Variants in ZNF529 observed in about 807,000 individuals in gnomAD.
ZNF529 encodes the protein zinc finger protein 529.
ZNF529 carries 11 observed loss-of-function variants against 10.1 expected under a neutral mutation model. That is an observed-to-expected ratio of 1.09 (90% CI 0.69 to 1.81). ZNF529 has a LOEUF of 1.81. Among genes scored for constraint, ZNF529 ranks in the 40% most tolerant of loss-of-function variants. The probability of loss-of-function intolerance (pLI) is 0.00; values close to 1 mark genes in which losing one functional copy is unlikely to be tolerated. For synonymous variants in ZNF529, 204 were observed against 215.7 expected, an observed-to-expected ratio of 0.95 and a Z score of 0.47; for missense variants, 624 against 666.8, an observed-to-expected ratio of 0.94 and a Z score of 0.71.
At chr19:36,572,481 C>T in intron 1 of ZNF529, 89 bp from the exon 2 acceptor site, 1 of 953,908 alleles carries the variant, frequency 1.0e-6, no homozygotes, top group South Asian at 1.6e-5. Flanking sequence ...GCCCATCACA[C>T]ACAACAAACA....
At chr19:36,562,880 G>A (rs1054687746) in intron 2 of ZNF529, among the ~76,000 whole-genome samples, 4 of 151,520 alleles carry the variant, frequency 2.6e-5, no homozygotes, top group Admixed American at 6.6e-5. Context: ...GGTGATGAGG[G>A]GCTCCTCCCT....
intron 2 of ZNF529, chr19:36,581,310 A>G (rs2036457852): frequency 6.6e-6 from 1 of 152,230 alleles, no homozygotes; most frequent in Admixed American, 6.5e-5. Flanking sequence ...CATTGAATAA[A>G]TAAGGGGAAA....
intron 2 of ZNF529, among the ~76,000 whole-genome samples, chr19:36,568,472 T>G (rs1343597562): frequency 7.6e-6 from 1 of 131,214 alleles, no homozygotes; most frequent in East Asian, 2.1e-4. Flanking sequence ...CTGATTTTCT[T>G]TCTTTTTTTT....
chr19:36,555,947 T>C (rs1452153241), intron 3 of ZNF529, among the ~76,000 whole-genome samples, 157 bp downstream of exon 3: 2 of 152,190 alleles, frequency 1.3e-5, no homozygotes, highest in African/African-American at 4.8e-5. Flanking sequence ...CTTTGGGGAA[T>C]AGAGGCACAC....
rs1318500310 is a variant in ZNF529 at position 36,545,720 on chromosome 19, A to C, written c.*1146T>G. 1 of 152,054 alleles carries C rather than the reference A, an allele frequency of 6.6e-6. No individual in the cohort carries two copies. Among genetic ancestry groups the C allele is most frequent in the Non-Finnish European group, 1.5e-5 (1 of 68,012 alleles). The allele number at this position is 152,054 out of a possible 1,614,324, so 9.4% of individuals were successfully genotyped here. On this transcript the variant is annotated 3_prime_UTR_variant, in exon 5 of 5. Coordinates refer to ENST00000591340, the MANE Select transcript of ZNF529 (RefSeq NM_020951.5). The stretch of plus-strand genomic sequence containing the variant: ...GGGAATAAAAAGAAAAATAATGATA[A>C]TAGATTAAAAAAACAATTGAAGCCA...
At chr19:36,583,670 G>A (rs2145250140) in intron 2 of ZNF529, among the ~76,000 whole-genome samples, 1 of 151,996 alleles carries the variant, frequency 6.6e-6, no homozygotes, top group South Asian at 2.1e-4. Flanking sequence ...AATATGAAAT[G>A]TTTTAAATGG....
intron 1 of ZNF529, among the ~76,000 whole-genome samples, chr19:36,592,044 C>G (rs753823436): frequency 6.6e-6 from 1 of 151,368 alleles, no homozygotes; most frequent in Non-Finnish European, 1.5e-5. Context: ...GAGGCCATAG[C>G]GGGTGGATCA....
At chr19:36,585,596 T>C (rs2036562813) in intron 2 of ZNF529, among the ~76,000 whole-genome samples, 1 of 152,212 alleles carries the variant, frequency 6.6e-6, no homozygotes, top group Non-Finnish European at 1.5e-5. Flanking sequence ...GTTAATAAAT[T>C]AGTGTCTTTC....
rs995704912 is a variant in ZNF529 at position 36,556,080 on chromosome 19, A to G, written c.108+24T>C. 9 of 1,547,616 alleles carry G rather than the reference A, an allele frequency of 5.8e-6. No individual in the cohort carries two copies. The African/African-American group carries it at 1.2e-4, about 21-fold the overall frequency. On this transcript the variant is annotated intron_variant, in intron 3 of 4. Transcript: ENST00000591340. ...GAATCAGAAAAAGGAAATATCACAAAGAAAAGAGAAGTAGTTAACTTACAT... is the reference window on the plus strand; with the variant it reads ...GAATCAGAAAAAGGAAATATCACAAGGAAAAGAGAAGTAGTTAACTTACAT...
intron 1 of ZNF529, chr19:36,604,795 A>T (rs1406251532): frequency 6.6e-6 from 1 of 152,438 alleles, no homozygotes; most frequent in Non-Finnish European, 1.5e-5. Flanking sequence ...GCGCCGTCAC[A>T]CAAACGGCCC....
At chr19:36,573,301 A>G, upstream of ZNF529, 1 of 353,310 alleles carries the variant, frequency 2.8e-6, no homozygotes, top group Admixed American at 3.4e-5. Flanking sequence ...ACAACACCGG[A>G]AAAGGAAGCA....
chr19:36,558,636 T>C (rs1281093844), intron 2 of ZNF529, among the ~76,000 whole-genome samples: 3 of 151,844 alleles, frequency 2.0e-5, no homozygotes, highest in Non-Finnish European at 2.9e-5. Flanking sequence ...AAAAATTAAC[T>C]CAAAATGGAT....
chr19:36,572,239 A>T (rs762814177), intron 2 of ZNF529, 94 bp downstream of exon 2: 2 of 1,329,774 alleles, frequency 1.5e-6, no homozygotes, highest in Non-Finnish European at 2.1e-6. Flanking sequence ...TTGGAAAGGC[A>T]ATGGAGGACA....
At chr19:36,572,245 G>T in intron 2 of ZNF529, 88 bp downstream of exon 2, 2 of 1,404,674 alleles carry the variant, frequency 1.4e-6, no homozygotes, top group Non-Finnish European at 2.0e-6. Flanking sequence ...AGGCAATGGA[G>T]GACAAGGGGA....
Position 36,546,914 on chromosome 19 carries a change from A to T in ZNF529, c.1644T>A (p.His548Gln), listed in dbSNP as rs527440575. 3.7e-6 allele frequency: 6 copies of T among 1,612,638 alleles called. No homozygotes were observed. The highest frequency in any genetic ancestry group is 4.5e-5 in the East Asian group (2 of 44,854). The stretch of plus-strand genomic sequence containing the variant: ...TGTAAATTTTCGGTTGGCAAGTAAG[A>T]TGCCCAACAACACTAAAGGAATTCC... ...ECGNSFSVVGHLTCQPKIYTG... is the reference protein window; with the variant it reads ...ECGNSFSVVGQLTCQPKIYTG... Residue 548 changes from histidine to glutamine, a missense_variant, in exon 5 of 5, where the codon CAT becomes CAA. His to Gln is a conservative substitution (Grantham distance 24). Transcript: ENST00000591340.
intron 2 of ZNF529, among the ~76,000 whole-genome samples, chr19:36,585,086 A>G (rs2036551222): frequency 6.6e-6 from 1 of 152,224 alleles, no homozygotes; most frequent in Non-Finnish European, 1.5e-5. Flanking sequence ...GTCTGACCAG[A>G]ATAGCACATA....
At chr19:36,596,818 C>G (rs1333581239) in intron 1 of ZNF529, among the ~76,000 whole-genome samples, 1 of 152,104 alleles carries the variant, frequency 6.6e-6, no homozygotes, top group African/African-American at 2.4e-5. Context: ...CCACGCCCAG[C>G]CTTGCTTTCA....
At chr19:36,599,702 C>T (rs552950871) in intron 1 of ZNF529, among the ~76,000 whole-genome samples, 1 of 152,188 alleles carries the variant, frequency 6.6e-6, no homozygotes, top group African/African-American at 2.4e-5. Context: ...TTAATTCCAT[C>T]ATCAGGAATG....
intron 1 of ZNF529, among the ~76,000 whole-genome samples, chr19:36,593,255 AC>A (rs1179470093): frequency 6.6e-6 from 1 of 152,100 alleles, no homozygotes; most frequent in Non-Finnish European, 1.5e-5. Context: ...CGCTCACTGC[AC>A]CCTCGACCTC....
Sources: allele counts gnomAD v4.1 joint callset (sites outside exome capture counted in the v4.1 genomes callset), GRCh38; gene constraint gnomAD v4.1.1; transcripts MANE v1.5; gene names NCBI Gene and HGNC (gene_info 2026-07-23, HGNC 2026-07-21).